The following SOX5 variants were observed in gnomAD, a reference collection of about 807,000 sequenced individuals.
SOX5 encodes the protein transcription factor SOX-5.
A neutral mutation model predicts 92.0 loss-of-function variants in SOX5; 9 were observed. The observed-to-expected ratio is 0.10, with a 90% CI of 0.06 to 0.17. The LOEUF (loss-of-function observed/expected upper bound fraction) is 0.17. Ranked by LOEUF, SOX5 falls within the 10% of genes least tolerant of loss-of-function variation. SOX5 has a pLI of 1.00. For synonymous variants in SOX5, 344 were observed against 336.3 expected (o/e 1.02, Z -0.25); for missense variants, 642 against 944.5 (o/e 0.68, Z 4.20).
chr12:24,480,831 A>G (rs1313793223), intron 1 of SOX5, among the ~76,000 whole-genome samples: 2 of 152,084 alleles, frequency 1.3e-5, no homozygotes, highest in African/African-American at 4.8e-5. Flanking sequence ...TAAAACCACT[A>G]TGGTGACCTG....
intron 4 of SOX5, among the ~76,000 whole-genome samples, chr12:24,154,471 G>C (rs1186343097): frequency 6.6e-6 from 1 of 152,220 alleles, no homozygotes; most frequent in Admixed American, 6.5e-5. Flanking sequence ...TATATGGAAA[G>C]GTTCAATCAC....
chr12:24,120,763 C>T (rs1403630237), intron 4 of SOX5, among the ~76,000 whole-genome samples: 1 of 152,132 alleles, frequency 6.6e-6, no homozygotes, highest in Admixed American at 6.5e-5. Flanking sequence ...ATGGATGATC[C>T]AAGGACCTGA....
intron 4 of SOX5, among the ~76,000 whole-genome samples, chr12:24,179,137 T>C (rs1248492563): frequency 2.0e-5 from 3 of 152,208 alleles, no homozygotes; most frequent in Non-Finnish European, 4.4e-5. Context: ...CTGAAGTTCT[T>C]TAAACTGTGA....
At chr12:23,699,228 A>G (rs1196426622) in intron 6 of SOX5, among the ~76,000 whole-genome samples, 1 of 152,158 alleles carries the variant, frequency 6.6e-6, no homozygotes, top group Non-Finnish European at 1.5e-5. Context: ...TAACTCAGAG[A>G]GACTGCCAAG....
intron 4 of SOX5, among the ~76,000 whole-genome samples, chr12:24,167,419 G>A (rs1275637209): frequency 6.6e-6 from 1 of 152,188 alleles, no homozygotes; most frequent in Non-Finnish European, 1.5e-5. Context: ...GGCCTGTGGA[G>A]CAGGTTGGAA....
chr12:23,543,857 C>G (rs764980224), intron 12 of SOX5, among the ~76,000 whole-genome samples: 1 of 152,140 alleles, frequency 6.6e-6, no homozygotes, highest in African/African-American at 2.4e-5. Context: ...CTTTCTCTCT[C>G]CGAGGTTACA....
At chr12:23,642,148 C>T (rs954729900) in intron 7 of SOX5, among the ~76,000 whole-genome samples, 1 of 152,006 alleles carries the variant, frequency 6.6e-6, no homozygotes, top group Non-Finnish European at 1.5e-5. Context: ...AATGAATATT[C>T]ACTTTTCTAC....
intron 1 of SOX5, among the ~76,000 whole-genome samples, chr12:24,424,952 A>G (rs981454143): frequency 3.9e-5 from 6 of 152,132 alleles, no homozygotes; most frequent in Non-Finnish European, 7.3e-5. Flanking sequence ...TACAGTTTCA[A>G]TTACAAGATA....
intron 1 of SOX5, among the ~76,000 whole-genome samples, chr12:24,509,199 G>C (rs925182734): frequency 2.6e-5 from 4 of 152,140 alleles, no homozygotes; most frequent in African/African-American, 9.7e-5. Context: ...TATATTATCT[G>C]TAAGGTTACA....
intron 2 of SOX5, among the ~76,000 whole-genome samples, chr12:24,319,864 T>G (rs181151063): frequency 7.2e-4 from 110 of 152,312 alleles, no homozygotes; most frequent in Middle Eastern, 3.4e-3. Context: ...CCCTCAAACC[T>G]CACTCAAACG....
At chr12:23,740,832 T>C (rs749135390) in intron 5 of SOX5, 35 bp downstream of exon 5, 2 of 1,565,690 alleles carry the variant, frequency 1.3e-6, no homozygotes, top group Non-Finnish European at 1.7e-6. Flanking sequence ...AAGTAATGTC[T>C]GAGGAATATG....
intron 6 of SOX5, among the ~76,000 whole-genome samples, chr12:23,696,057 C>T (rs1016760227): frequency 1.3e-5 from 2 of 150,818 alleles, no homozygotes; most frequent in African/African-American, 4.9e-5. Flanking sequence ...ACTTAGTTTG[C>T]TAACATTGTA....
At chr12:24,463,872 A>G (rs548648216) in intron 1 of SOX5, among the ~76,000 whole-genome samples, 1 of 152,288 alleles carries the variant, frequency 6.6e-6, no homozygotes, top group East Asian at 1.9e-4. Context: ...TCCTTACATG[A>G]CCAGAAACAC....
intron 10 of SOX5, 152 bp from the exon 11 acceptor site, chr12:23,563,555 T>TCATATA: frequency 3.3e-6 from 2 of 609,612 alleles, no homozygotes; most frequent in Non-Finnish European, 5.7e-6. Flanking sequence ...AATGAATAAT[T>TCATATA]GACAATGACT....
intron 6 of SOX5, among the ~76,000 whole-genome samples, chr12:23,729,227 C>CT (rs1195990899): frequency 6.6e-6 from 1 of 151,996 alleles, no homozygotes; most frequent in African/African-American, 2.4e-5. Context: ...ATTATATTTC[C>CT]TTTTTTATAG....
In SOX5 at chr12:24,280,307, C is replaced by T. The variant is rs73060313; in HGVS notation, c.-173-2995G>A. Among the ~76,000 whole-genome samples the T allele has an allele frequency of 3.6e-3, 551 of 152,168 alleles. 4 individuals carry two copies. Among genetic ancestry groups the T allele is most frequent in the Middle Eastern group, 0.01 (3 of 294 alleles). On this transcript the variant is annotated intron_variant, in intron 2 of 4. Coordinates refer to the SOX5 transcript ENST00000446891. The stretch of plus-strand genomic sequence containing the variant: ...ATTGTGGAAACTTTCAACACTGTGC[C>T]GTGAAATTGCGTTAAGAAACACAGT...
At chr12:24,021,957 T>C (rs1256621547) in intron 4 of SOX5, among the ~76,000 whole-genome samples, 1 of 152,226 alleles carries the variant, frequency 6.6e-6, no homozygotes, top group Non-Finnish European at 1.5e-5. Flanking sequence ...TTTTCTCATG[T>C]ATATTATGTA....
At chr12:24,128,598 A>C (rs1949341637) in intron 4 of SOX5, among the ~76,000 whole-genome samples, 1 of 152,196 alleles carries the variant, frequency 6.6e-6, no homozygotes, top group Non-Finnish European at 1.5e-5. Context: ...GGTTCTACAC[A>C]GTGGGAACAG....
intron 4 of SOX5, among the ~76,000 whole-genome samples, chr12:23,959,079 A>AT (rs1491419546): frequency 6.6e-6 from 1 of 151,912 alleles, no homozygotes; most frequent in Non-Finnish European, 1.5e-5. Flanking sequence ...CATCAATGTC[A>AT]TAAAAATATC....
Sources: gnomAD v4.1 joint callset for allele counts (sites outside exome capture counted in the v4.1 genomes callset) on GRCh38, gnomAD v4.1.1 for gene constraint, MANE v1.5 for transcripts, NCBI Gene and HGNC (gene_info 2026-07-23, HGNC 2026-07-21) for gene names.